Variants in STX3 observed in about 807,000 individuals in gnomAD.
STX3 encodes the protein syntaxin 3.
STX3 carries 19 observed loss-of-function variants against 40.2 expected under a neutral mutation model. The observed-to-expected ratio is 0.47, with a 90% confidence interval of 0.33 to 0.69. STX3 has a LOEUF of 0.69. Among genes scored for constraint, STX3 ranks in the 30% least tolerant of loss-of-function variants. The probability of loss-of-function intolerance (pLI) is 0.02; values close to 1 mark genes in which losing one functional copy is unlikely to be tolerated. For missense variants in STX3, 364 were observed against 366.7 expected (o/e 0.99, Z 0.06); for synonymous variants, 122 against 132.2 (o/e 0.92, Z 0.53).
chr11:59,762,592 G>A (rs1053847178), intron 1 of STX3, among the ~76,000 whole-genome samples: 27 of 152,318 alleles, frequency 1.8e-4, no homozygotes, highest in South Asian at 6.2e-4. Context: ...GAAAGGAGGG[G>A]TTGGGGAGAA....
chr11:59,763,681 T>C (rs941479722), intron 1 of STX3, among the ~76,000 whole-genome samples: 10 of 152,164 alleles, frequency 6.6e-5, no homozygotes, highest in African/African-American at 1.9e-4. Context: ...TAAATAACTC[T>C]TGGGCTAAAG....
In STX3 at chr11:59,804,105, G is replaced by A. The variant is rs553574794; in HGVS notation, c.*3281G>A. On this transcript the variant is annotated 3_prime_UTR_variant, in exon 11 of 11. Transcript: ENST00000337979. ...ACTGCAGGGTAGAGAAGCAAGCAGA[G>A]TGGGCGCCTCTTTAGGAAGTGACAC... 1 of 152,102 alleles carries A rather than the reference G, an allele frequency of 6.6e-6. No individual in the cohort carries two copies. The highest frequency in any genetic ancestry group is 1.9e-4 in the East Asian group (1 of 5,182). 9.4% of individuals were successfully genotyped at this position (152,102 alleles called of 1,614,324 possible). A position where few individuals can be genotyped will look rare whatever the true frequency, so the allele number is the denominator to read the frequency against.
At chr11:59,757,227 A>C (rs997772605) in intron 1 of STX3, among the ~76,000 whole-genome samples, 27 of 152,040 alleles carry the variant, frequency 1.8e-4, no homozygotes, top group African/African-American at 5.8e-4. Context: ...GGCTCTTGAC[A>C]CTCTCCACAG....
chr11:59,777,381 A>G (rs1483864829), intron 2 of STX3, among the ~76,000 whole-genome samples: 2 of 152,232 alleles, frequency 1.3e-5, no homozygotes, highest in Non-Finnish European at 2.9e-5. Flanking sequence ...GCACCACTGC[A>G]AAGTGATGGG....
chr11:59,770,905 G>T (rs1863584175), intron 1 of STX3, among the ~76,000 whole-genome samples: 1 of 152,116 alleles, frequency 6.6e-6, no homozygotes, highest in Non-Finnish European at 1.5e-5. Flanking sequence ...CCAAAGCCAA[G>T]GGGTGTTGTG....
intron 2 of STX3, among the ~76,000 whole-genome samples, chr11:59,775,645 T>G (rs1863923736): frequency 6.6e-6 from 1 of 152,190 alleles, no homozygotes; most frequent in African/African-American, 2.4e-5. Flanking sequence ...TGTCCTGCTC[T>G]GGAAATTGGG....
At chr11:59,784,894 G>C (rs1864651059) in intron 2 of STX3, among the ~76,000 whole-genome samples, 1 of 152,084 alleles carries the variant, frequency 6.6e-6, no homozygotes, top group South Asian at 2.1e-4. Flanking sequence ...AGCTGGGTAG[G>C]GCTGGAATGC....
In STX3 at chr11:59,802,939, T is replaced by G. The variant is rs1235965197; in HGVS notation, c.*2115T>G. ...AAGAATTTGGTTCAGTCCTTGGGAG[T>G]ATCTGGCTTTAGGAGGAAATGGGGG... On this transcript the variant is annotated 3_prime_UTR_variant, in exon 11 of 11. Coordinates refer to ENST00000337979, the MANE Select transcript of STX3 (RefSeq NM_004177.5). 4.1e-6 allele frequency: 4 copies of G among 985,306 alleles called. No individual in the cohort carries two copies. Among genetic ancestry groups the G allele is most frequent in the Non-Finnish European group, 1.2e-6 (1 of 829,942 alleles). 61.0% of individuals were successfully genotyped at this position (985,306 alleles called of 1,614,324 possible).
intron 2 of STX3, among the ~76,000 whole-genome samples, chr11:59,776,840 G>A (rs1189725543): frequency 6.6e-6 from 1 of 152,184 alleles, no homozygotes; most frequent in Non-Finnish European, 1.5e-5. Flanking sequence ...GCCAGAGCCT[G>A]GTAAATGATA....
chr11:59,784,250 C>T (rs916756166), intron 2 of STX3, among the ~76,000 whole-genome samples: 2 of 152,228 alleles, frequency 1.3e-5, no homozygotes, highest in East Asian at 1.9e-4. Context: ...GTTGAACATG[C>T]AAAATCTAAG....
At chr11:59,790,930 G>A (rs1163993452) in intron 5 of STX3, among the ~76,000 whole-genome samples, 1 of 152,158 alleles carries the variant, frequency 6.6e-6, no homozygotes, top group Non-Finnish European at 1.5e-5. Context: ...AGGCACTTTA[G>A]GGGTCATCAA....
intron 4 of STX3, among the ~76,000 whole-genome samples, chr11:59,789,567 A>G (rs566941666): frequency 6.6e-5 from 10 of 151,838 alleles, no homozygotes; most frequent in Non-Finnish European, 1.2e-4. Context: ...CAGCCTCCCA[A>G]GTTGTTGGGA....
chr11:59,754,961 C>G (rs1240862144), upstream of STX3: 1 of 152,338 alleles, frequency 6.6e-6, no homozygotes, highest in African/African-American at 2.4e-5. Context: ...TGCGCGGGAT[C>G]CCGCTACTCG....
rs552220877 is a variant in STX3 at position 59,766,751 on chromosome 11, C to T, written c.31-6460C>T. 9.2e-5 allele frequency among the ~76,000 whole-genome samples: 14 copies of T among 152,352 alleles called. No individual in the cohort carries two copies. The South Asian group carries it at 2.5e-3, about 27-fold the overall frequency. On this transcript the variant is annotated intron_variant, in intron 1 of 10. Transcript: ENST00000337979. ...CTCAGTGACAGGCTGCCCTGAGCAGCGTGCAGTGCGATAAGAAGGGCTTAG... is the reference window on the plus strand; with the variant it reads ...CTCAGTGACAGGCTGCCCTGAGCAGTGTGCAGTGCGATAAGAAGGGCTTAG...
chr11:59,780,511 C>T (rs1056807772), intron 2 of STX3, among the ~76,000 whole-genome samples: 5 of 152,190 alleles, frequency 3.3e-5, no homozygotes, highest in Admixed American at 3.3e-4. Context: ...GAGGTACTAG[C>T]AGAAGACTCA....
intron 1 of STX3, among the ~76,000 whole-genome samples, chr11:59,757,264 T>TG (rs1272851629): frequency 6.6e-6 from 1 of 151,922 alleles, no homozygotes; most frequent in Non-Finnish European, 1.5e-5. Flanking sequence ...GCACGCTGGT[T>TG]GGGGAGGCAG....
intron 2 of STX3, among the ~76,000 whole-genome samples, chr11:59,784,848 G>A (rs1864649441): frequency 6.6e-6 from 1 of 152,174 alleles, no homozygotes; most frequent in Non-Finnish European, 1.5e-5. Context: ...AACTGTATCA[G>A]TGAGTATCAT....
intron 2 of STX3, among the ~76,000 whole-genome samples, chr11:59,776,215 C>T (rs1863955503): frequency 6.6e-6 from 1 of 152,172 alleles, no homozygotes; most frequent in Admixed American, 6.5e-5. Flanking sequence ...TGGTCTGAAT[C>T]TCAGCTCTGC....
rs533491733 is a variant in STX3, at chr11:59,772,093, C to T, written c.31-1118C>T. Among the ~76,000 whole-genome samples the T allele has an allele frequency of 1.1e-4, 16 of 152,302 alleles. No individual in the cohort carries two copies. In the South Asian group the frequency reaches 3.3e-3, roughly 32 times the overall value. On this transcript the variant is annotated intron_variant, in intron 1 of 10. Coordinates refer to ENST00000337979, the MANE Select transcript of STX3 (RefSeq NM_004177.5). ...GATGGTCGTGGGTGAAGGAAAGAGG[C>T]TTCTGGTGGCATTCATTGCCCATGG...
Sources: gnomAD v4.1 joint callset for allele counts (sites outside exome capture counted in the v4.1 genomes callset) on GRCh38, gnomAD v4.1.1 for gene constraint, MANE v1.5 for transcripts, NCBI Gene and HGNC (gene_info 2026-07-23, HGNC 2026-07-21) for gene names.